Variants in PTH2R observed in about 807,000 individuals in gnomAD.
PTH2R encodes the protein PTH2 receptor.
A neutral mutation model predicts 60.3 loss-of-function variants in PTH2R; 59 were observed. The observed-to-expected ratio is 0.98, with a 90% CI of 0.79 to 1.22. PTH2R has a LOEUF of 1.22. Ranked by LOEUF, PTH2R falls within the 50% of genes most tolerant of loss-of-function variation. The pLI, the probability that PTH2R is intolerant of heterozygous loss-of-function variation, is 0.00. For missense variants in PTH2R, 749 were observed against 682.6 expected (o/e 1.10, Z -1.08); for synonymous variants, 256 against 243.8 (o/e 1.05, Z -0.47).
exon 1 of PTH2R, chr2:208,360,011 C>G (rs1700415488): frequency 3.1e-6 from 1 of 327,680 alleles, no homozygotes; most frequent in Non-Finnish European, 6.1e-6. Flanking sequence ...CTCTCCAGTC[C>G]CTATCCACCC....
intron 1 of PTH2R, among the ~76,000 whole-genome samples, chr2:208,381,335 T>C (rs184437946): frequency 6.6e-6 from 1 of 152,280 alleles, no homozygotes; most frequent in East Asian, 1.9e-4. Flanking sequence ...TATTGGAAAT[T>C]AGCATATTGT....
intron 9 of PTH2R, among the ~76,000 whole-genome samples, chr2:208,462,109 A>AT (rs1702646610): frequency 6.6e-6 from 1 of 152,230 alleles, no homozygotes; most frequent in African/African-American, 2.4e-5. Flanking sequence ...CATTATTATA[A>AT]TTTAGTGTTA....
chr2:208,433,106 A>T lies in PTH2R; in HGVS notation c.179-4431A>T, dbSNP rs148604201. ...CAAGATAAGCAAGTGTGCACCAGTC[A>T]CACACCATATGAATTATACATAAAA... On this transcript the variant is annotated intron_variant, in intron 2 of 12. Transcript: ENST00000272847. Among the ~76,000 whole-genome samples, 1,211 of 152,334 alleles carry T rather than the reference A, an allele frequency of 7.9e-3. 12 individuals carry two copies. Among genetic ancestry groups the T allele is most frequent in the African/African-American group, 0.027 (1,131 of 41,588 alleles).
At chr2:208,491,781 A>C (rs1703410338) in intron 12 of PTH2R, among the ~76,000 whole-genome samples, 1 of 151,944 alleles carries the variant, frequency 6.6e-6, no homozygotes, top group Admixed American at 6.6e-5. Context: ...TAGACTGTGA[A>C]GTTTTGTGGT....
intron 1 of PTH2R, among the ~76,000 whole-genome samples, chr2:208,399,041 G>A (rs1035746855): frequency 7.9e-5 from 12 of 152,154 alleles, no homozygotes; most frequent in East Asian, 5.8e-4. Flanking sequence ...TCAAACAAAG[G>A]GAATAATTCC....
intron 1 of PTH2R, among the ~76,000 whole-genome samples, chr2:208,407,626 T>C (rs1701444339): frequency 6.6e-6 from 1 of 152,246 alleles, no homozygotes; most frequent in Non-Finnish European, 1.5e-5. Flanking sequence ...AATACCAAAA[T>C]ACAGCTCATT....
intron 1 of PTH2R, among the ~76,000 whole-genome samples, chr2:208,416,524 T>G (rs1488589651): frequency 6.6e-6 from 1 of 152,230 alleles, no homozygotes; most frequent in Non-Finnish European, 1.5e-5. Context: ...TTTTCTGAGC[T>G]CAGGGTTAAA....
At chr2:208,477,451 CA>C (rs954566766) in intron 9 of PTH2R, among the ~76,000 whole-genome samples, 2 of 151,882 alleles carry the variant, frequency 1.3e-5, no homozygotes, top group African/African-American at 4.8e-5. Flanking sequence ...TCACTCTGAA[CA>C]AATCTTTACT....
intron 1 of PTH2R, among the ~76,000 whole-genome samples, chr2:208,389,224 G>GCACACACACACACACA (rs1701061319): frequency 9.4e-6 from 1 of 106,196 alleles, no homozygotes; most frequent in African/African-American, 4.0e-5. Context: ...AAAAGGAAAT[G>GCACACACACACACACA]CATACACACA....
At chr2:208,482,552 T>C (rs1421983606) in intron 10 of PTH2R, among the ~76,000 whole-genome samples, 14 of 152,184 alleles carry the variant, frequency 9.2e-5, no homozygotes, top group African/African-American at 3.1e-4. Context: ...GTGTGTGCAT[T>C]AGTAATTTCT....
intron 9 of PTH2R, among the ~76,000 whole-genome samples, chr2:208,465,632 G>A (rs201928212): frequency 6.6e-6 from 1 of 151,736 alleles, no homozygotes; most frequent in Non-Finnish European, 1.5e-5. Context: ...TCAAACTCCC[G>A]ACCTCAGTGA....
Position 208,477,589 on chromosome 2 carries a change from C to A in PTH2R, c.982-3481C>A, listed in dbSNP as rs1050309386. 2.6e-5 allele frequency among the ~76,000 whole-genome samples: 4 copies of A among 151,974 alleles called. 1 individual carries two copies. In the South Asian group the frequency reaches 8.3e-4, roughly 32 times the overall value. On this transcript the variant is annotated intron_variant, in intron 9 of 12. Coordinates refer to ENST00000272847, the MANE Select transcript of PTH2R (RefSeq NM_005048.4). Reference sequence around the variant, plus strand: ...CATGTAACAAAAAAAAACCCCTCTACCCCAAAACTATTGGAATTAAAAAAA... The same window carrying A: ...CATGTAACAAAAAAAAACCCCTCTAACCCAAAACTATTGGAATTAAAAAAA...
At chr2:208,489,761 C>G (rs942765666) in intron 11 of PTH2R, among the ~76,000 whole-genome samples, 3 of 152,216 alleles carry the variant, frequency 2.0e-5, no homozygotes, top group Non-Finnish European at 4.4e-5. Context: ...TTGGCATACA[C>G]AGCCCTGCAT....
chr2:208,384,812 A>C (rs996906198), intron 1 of PTH2R, among the ~76,000 whole-genome samples: 1 of 152,202 alleles, frequency 6.6e-6, no homozygotes, highest in Non-Finnish European at 1.5e-5. Flanking sequence ...CCTGGTTCAG[A>C]GGTGTCAGAG....
At chr2:208,363,954 C>T (rs1700530202) in intron 1 of PTH2R, among the ~76,000 whole-genome samples, 1 of 152,074 alleles carries the variant, frequency 6.6e-6, no homozygotes, top group Non-Finnish European at 1.5e-5. Flanking sequence ...TTCTCCCATT[C>T]CATAGGTTGT....
At chr2:208,482,242 C>T (rs1703169638) in intron 10 of PTH2R, among the ~76,000 whole-genome samples, 1 of 152,106 alleles carries the variant, frequency 6.6e-6, no homozygotes, top group Non-Finnish European at 1.5e-5. Context: ...GGCCAGCAGC[C>T]CACAATGCAA....
chr2:208,483,586 A>C (rs3769513), intron 10 of PTH2R, among the ~76,000 whole-genome samples: 121,203 of 152,070 alleles, frequency 0.8, 48,693 homozygotes, highest in African/African-American at 0.86. Flanking sequence ...GATTATTTCC[A>C]AGAACAATTG....
chr2:208,422,278 C>G (rs1335981321), intron 1 of PTH2R, among the ~76,000 whole-genome samples: 1 of 152,132 alleles, frequency 6.6e-6, no homozygotes, highest in Non-Finnish European at 1.5e-5. Flanking sequence ...TCTACTGATT[C>G]AAAGGTTAAT....
intron 8 of PTH2R, among the ~76,000 whole-genome samples, chr2:208,452,616 GTTTGGTCT>G (rs1170046501): frequency 6.6e-6 from 1 of 152,158 alleles, no homozygotes; most frequent in Non-Finnish European, 1.5e-5. Flanking sequence ...AGATTAGGAT[GTTTGGTCT>G]TCGTTCAGTG....
Sources: allele counts gnomAD v4.1 joint callset (sites outside exome capture counted in the v4.1 genomes callset), GRCh38; gene constraint gnomAD v4.1.1; transcripts MANE v1.5; gene names NCBI Gene and HGNC (gene_info 2026-07-23, HGNC 2026-07-21).